ZC3H15: variants seen among roughly 807,000 people sequenced by gnomAD.
The protein encoded by ZC3H15 is zinc finger CCCH-type containing 15.
A neutral mutation model predicts 51.2 loss-of-function variants in ZC3H15; 15 were observed. The ratio of observed to expected loss-of-function variants is 0.29; its 90% CI spans 0.20 to 0.45. The LOEUF is 0.45. Ranked by LOEUF, ZC3H15 falls within the 20% of genes least tolerant of loss-of-function variation. ZC3H15 has a pLI of 1.00. For missense variants in ZC3H15, 381 were observed against 494.7 expected, an observed-to-expected ratio of 0.77 and a Z score of 2.18; for synonymous variants, 144 against 162.8, an observed-to-expected ratio of 0.88 and a Z score of 0.88.
intron 2 of ZC3H15, among the ~76,000 whole-genome samples, chr2:186,497,444 G>A (rs1685300930): frequency 6.6e-6 from 1 of 152,146 alleles, no homozygotes; most frequent in Non-Finnish European, 1.5e-5. Flanking sequence ...AGCACTTTGG[G>A]AGGCCGGGGC....
At position 186,508,742 on chromosome 2, in the gene ZC3H15, A is replaced by G; in HGVS notation, c.*9A>G. The G allele has an allele frequency of 6.2e-7, 1 of 1,611,556 alleles. No homozygotes were observed. The highest frequency in any genetic ancestry group is 8.5e-7 in the Non-Finnish European group (1 of 1,178,268). On this transcript the variant is annotated 3_prime_UTR_variant, in exon 10 of 10. Transcript: ENST00000337859. ...TTGATTTAGAAGAATGACACCAAAC[A>G]CATCGCTGAAAAAATTAAGTCAGCT...
intron 1 of ZC3H15, among the ~76,000 whole-genome samples, chr2:186,487,724 T>G (rs1269012758): frequency 2.6e-4 from 39 of 152,230 alleles, no homozygotes; most frequent in Non-Finnish European, 1.5e-5. Flanking sequence ...TTCACTTTTA[T>G]GAAAACCAAG....
intron 2 of ZC3H15, among the ~76,000 whole-genome samples, chr2:186,496,857 C>A (rs182660442): frequency 6.6e-6 from 1 of 152,296 alleles, no homozygotes; most frequent in African/African-American, 2.4e-5. Flanking sequence ...TATAACCTTA[C>A]AGGATTACTG....
At position 186,500,274 on chromosome 2, in the gene ZC3H15, T is replaced by A. The variant is rs759262404; in HGVS notation, c.270T>A (p.Ala90=). The part of the protein sequence containing the change: ...ELNELFKPVV[A]AQKISKGADP... ...ATGAGCTGTTCAAACCTGTAGTTGC[T>A]GCTCAAAAAATAAGTAAAGGTAAAC... is the stretch of plus-strand genomic sequence containing the variant. The change falls in exon 3 of 10, where the codon GCT becomes GCA. Residue 90 remains alanine, a synonymous_variant. Coordinates refer to ENST00000337859, the MANE Select transcript of ZC3H15 (RefSeq NM_018471.3). The A allele has an allele frequency of 6.2e-7, 1 of 1,606,298 alleles. No individual in the cohort carries two copies. Among genetic ancestry groups the A allele is most frequent in the Admixed American group, 1.7e-5 (1 of 58,018 alleles).
intron 5 of ZC3H15, 58 bp downstream of exon 5, chr2:186,502,645 G>T: frequency 1.4e-6 from 2 of 1,385,932 alleles, no homozygotes; most frequent in Non-Finnish European, 2.0e-6. Context: ...AGAATTATGT[G>T]GCAAGGTATT....
At chr2:186,491,819 G>T (rs4667100) in intron 1 of ZC3H15, among the ~76,000 whole-genome samples, 100,735 of 151,876 alleles carry the variant, frequency 0.66, 33,676 homozygotes, top group Non-Finnish European at 0.71. Context: ...GTGAATACTA[G>T]ATAAATAAGT....
intron 4 of ZC3H15, among the ~76,000 whole-genome samples, chr2:186,501,836 C>G (rs573324292): frequency 3.3e-5 from 5 of 152,100 alleles, no homozygotes; most frequent in Admixed American, 6.5e-5. Context: ...CTCAGCCTCC[C>G]AAGTAGCTGG....
intron 8 of ZC3H15, 36 bp downstream of exon 8, chr2:186,505,877 A>T: frequency 1.3e-6 from 2 of 1,595,230 alleles, no homozygotes; most frequent in Admixed American, 3.4e-5. Flanking sequence ...TCCTTATGTT[A>T]ATTGAAAGAA....
At chr2:186,503,220 C>T (rs1188646091) in intron 5 of ZC3H15, among the ~76,000 whole-genome samples, 1 of 152,116 alleles carries the variant, frequency 6.6e-6, no homozygotes, top group East Asian at 1.9e-4. Flanking sequence ...TTTTCTCTTA[C>T]TTGCAAAGCT....
chr2:186,496,765 G>A (rs927538416), intron 2 of ZC3H15, among the ~76,000 whole-genome samples: 3 of 152,170 alleles, frequency 2.0e-5, no homozygotes, highest in African/African-American at 7.2e-5. Context: ...GCATGTTACT[G>A]TACTGAATAC....
intron 2 of ZC3H15, chr2:186,499,706 T>C (rs1477237908): frequency 2.5e-6 from 1 of 395,468 alleles, no homozygotes; most frequent in Non-Finnish European, 4.9e-6. Context: ...TGTCATGTTT[T>C]GTTTTGAATT....
chr2:186,492,228 C>T (rs1198998406), intron 1 of ZC3H15, among the ~76,000 whole-genome samples: 2 of 152,124 alleles, frequency 1.3e-5, no homozygotes, highest in Non-Finnish European at 2.9e-5. Context: ...GCCTCCTCTC[C>T]CTCCCGTGAG....
intron 1 of ZC3H15, among the ~76,000 whole-genome samples, chr2:186,490,848 C>A (rs1436346786): frequency 1.3e-5 from 2 of 152,198 alleles, no homozygotes; most frequent in African/African-American, 4.8e-5. Flanking sequence ...CCTCTGTATT[C>A]ATGTCCCAAG....
At chr2:186,490,504 C>T (rs528552271) in intron 1 of ZC3H15, among the ~76,000 whole-genome samples, 98 of 152,288 alleles carry the variant, frequency 6.4e-4, no homozygotes, top group Non-Finnish European at 1.1e-3. Flanking sequence ...TTACTTGAAG[C>T]TGGATTAACC....
intron 1 of ZC3H15, chr2:186,486,768 A>C: frequency 3.0e-6 from 1 of 332,858 alleles, no homozygotes; most frequent in Non-Finnish European, 5.4e-6. Flanking sequence ...TCCTCTCAGA[A>C]TTGAGGAGAT....
At chr2:186,497,825 T>C (rs1685307076) in intron 2 of ZC3H15, among the ~76,000 whole-genome samples, 1 of 152,180 alleles carries the variant, frequency 6.6e-6, no homozygotes, top group Admixed American at 6.5e-5. Flanking sequence ...ACTATATTTT[T>C]GATACTTGCG....
intron 1 of ZC3H15, among the ~76,000 whole-genome samples, chr2:186,491,237 A>C (rs978669448): frequency 6.6e-6 from 1 of 152,314 alleles, no homozygotes; most frequent in Admixed American, 6.5e-5. Flanking sequence ...GGAGTCAAAT[A>C]TACCTAGGTT....
At chr2:186,501,575 A>T (rs1685385571) in intron 4 of ZC3H15, 150 bp downstream of exon 4, 1 of 695,830 alleles carries the variant, frequency 1.4e-6, no homozygotes, top group South Asian at 2.7e-5. Context: ...ATAAAATCTG[A>T]AAATTACCAT....
intron 1 of ZC3H15, 71 bp downstream of exon 1, chr2:186,486,528 C>T (rs1685097109): frequency 2.0e-6 from 3 of 1,475,742 alleles, no homozygotes; most frequent in African/African-American, 1.4e-5. Flanking sequence ...CCGGGCTTCC[C>T]TGGGAGCCGG....
Sources: gnomAD v4.1 joint callset for allele counts (sites outside exome capture counted in the v4.1 genomes callset) on GRCh38, gnomAD v4.1.1 for gene constraint, MANE v1.5 for transcripts, NCBI Gene and HGNC (gene_info 2026-07-23, HGNC 2026-07-21) for gene names.